Variants in EPAS1 observed in about 807,000 individuals in gnomAD.
The protein encoded by EPAS1 is endothelial PAS domain protein 1, also known as endothelial PAS domain-containing protein 1.
EPAS1 carries 23 observed loss-of-function variants against 87.9 expected under a neutral mutation model. The observed-to-expected ratio is 0.26, with a 90% CI of 0.19 to 0.37. The LOEUF (loss-of-function observed/expected upper bound fraction) is 0.37. EPAS1 is among the 10% of genes least tolerant of loss of function. The pLI is 1.00. For missense variants in EPAS1, 1,138 were observed against 1,120.7 expected, an observed-to-expected ratio of 1.02 and a Z score of -0.22; for synonymous variants, 508 against 444.3, an observed-to-expected ratio of 1.14 and a Z score of -1.80.
intron 1 of EPAS1, among the ~76,000 whole-genome samples, chr2:46,340,168 G>A (rs1235813330): frequency 6.6e-6 from 1 of 152,134 alleles, no homozygotes; most frequent in Non-Finnish European, 1.5e-5. Context: ...AGCCCCAGAT[G>A]GGCTGCTTAG....
intron 1 of EPAS1, among the ~76,000 whole-genome samples, chr2:46,306,324 G>C (rs376021323): frequency 6.6e-6 from 1 of 152,168 alleles, no homozygotes; most frequent in Admixed American, 6.5e-5. Flanking sequence ...AAGAAGACCA[G>C]CATGCTTTCC....
At chr2:46,326,542 C>T (rs941280359) in intron 1 of EPAS1, among the ~76,000 whole-genome samples, 1 of 151,800 alleles carries the variant, frequency 6.6e-6, no homozygotes, top group Non-Finnish European at 1.5e-5. Context: ...CTATCTCCTC[C>T]GTGGGGAAAA....
At chr2:46,303,015 G>A (rs1683042415) in intron 1 of EPAS1, among the ~76,000 whole-genome samples, 1 of 152,238 alleles carries the variant, frequency 6.6e-6, no homozygotes, top group South Asian at 2.1e-4. Flanking sequence ...GGAGGTTGCA[G>A]TGAGCCGAGA....
In EPAS1 at chr2:46,359,257, C is replaced by CAAAAAAAAAAAAAAAAAAAAAAAA. The variant is rs57351888; in HGVS notation, c.455-1380_455-1357dup. 3.2e-4 allele frequency among the ~76,000 whole-genome samples: 8 copies of CAAAAAAAAAAAAAAAAAAAAAAAA among 25,088 alleles called. 1 individual carries two copies. The highest frequency in any genetic ancestry group is 2.0e-4 in the African/African-American group (1 of 5,058). 16.5% of individuals were successfully genotyped at this position (25,088 alleles called of 152,430 possible). A position where few individuals can be genotyped will look rare whatever the true frequency, so the allele number is the denominator to read the frequency against. ...CTGGCGACAGAGCAAGATTCTGTCT[C>CAAAAAAAAAAAAAAAAAAAAAAAA]AAAAAAAAAAAAAAAAAAAAAAAAG... is the stretch of plus-strand genomic sequence containing the variant. On this transcript the variant is annotated intron_variant, in intron 4 of 15. Transcript: ENST00000263734.
Position 46,380,308 on chromosome 2 carries a change from T to G in EPAS1, c.1636T>G (p.Cys546Gly). 2 of 1,614,138 alleles carry G rather than the reference T, an allele frequency of 1.2e-6. No homozygotes were observed. The highest frequency in any genetic ancestry group is 1.7e-6 in the Non-Finnish European group (2 of 1,180,018). ...DGEDFQLSPI[C>G]PEERLLAENP... ...GGAAGACTTCCAGCTAAGCCCCATC[T>G]GCCCCGAGGAGCGGCTCTTGGCGGA... The change falls in exon 12 of 16, where the codon TGC becomes GGC. Residue 546 changes from cysteine (C) to glycine (G), a missense_variant. Around this residue, in one of 4 missense-constraint regions of EPAS1, gnomAD observed 502 missense variants for 427.1 expected, o/e 1.18. Coordinates refer to ENST00000263734, the MANE Select transcript of EPAS1 (RefSeq NM_001430.5). The surrounding 1 kb of genome is among the most constrained non-coding windows in gnomAD (Gnocchi z 4.4).
At chr2:46,361,213 G>A (rs1176970243) in intron 6 of EPAS1, 123 bp downstream of exon 6, 1 of 1,064,502 alleles carries the variant, frequency 9.4e-7, no homozygotes, top group Non-Finnish European at 1.4e-6. Context: ...GTGCATGTTC[G>A]TGGACCTGTG....
intron 6 of EPAS1, among the ~76,000 whole-genome samples, chr2:46,362,977 A>AGTGGTGGTAGTG (rs1684428172): frequency 9.6e-6 from 1 of 104,338 alleles, no homozygotes; most frequent in Non-Finnish European, 2.0e-5. Context: ...TGGTGGTGGT[A>AGTGGTGGTAGTG]GTGGTGGTGG....
intron 2 of EPAS1, among the ~76,000 whole-genome samples, chr2:46,351,934 G>GA (rs1684170291): frequency 6.6e-6 from 1 of 152,206 alleles, no homozygotes; most frequent in Admixed American, 6.5e-5. Flanking sequence ...GGTGCTGCCT[G>GA]AAGGAAATGA....
intron 15 of EPAS1, among the ~76,000 whole-genome samples, chr2:46,383,131 C>G (rs116056466): frequency 6.6e-6 from 1 of 152,296 alleles, no homozygotes; most frequent in African/African-American, 2.4e-5. Flanking sequence ...TAGGGAGAAC[C>G]CTCCCATGAT....
At chr2:46,308,462 G>GC (rs1553388767) in intron 1 of EPAS1, among the ~76,000 whole-genome samples, 13 of 137,346 alleles carry the variant, frequency 9.5e-5, no homozygotes, top group African/African-American at 3.2e-4. Flanking sequence ...CTTTTTTTTG[G>GC]GGGGGGGGGC....
intron 1 of EPAS1, among the ~76,000 whole-genome samples, chr2:46,309,809 C>T (rs1683176415): frequency 6.6e-6 from 1 of 152,112 alleles, no homozygotes; most frequent in African/African-American, 2.4e-5. Context: ...GCAGGCCTTC[C>T]TGAGTCATGT....
chr2:46,304,413 C>T (rs1683069119), intron 1 of EPAS1, among the ~76,000 whole-genome samples: 1 of 152,180 alleles, frequency 6.6e-6, no homozygotes, highest in Admixed American at 6.5e-5. Flanking sequence ...ACGCCCTTCC[C>T]TTACTGAAGA....
chr2:46,339,586 A>G (rs1683867360), intron 1 of EPAS1, among the ~76,000 whole-genome samples: 5 of 152,208 alleles, frequency 3.3e-5, no homozygotes, highest in Admixed American at 2.6e-4. Flanking sequence ...TTCCAGATTC[A>G]CTCACGAGTG....
chr2:46,332,312 G>GTGTT (rs1558590702), intron 1 of EPAS1, among the ~76,000 whole-genome samples: 25 of 140,274 alleles, frequency 1.8e-4, no homozygotes, highest in African/African-American at 6.2e-4. Context: ...GTGTGTGTGT[G>GTGTT]TGTGTGTGTG....
At position 46,382,543 on chromosome 2, in the gene EPAS1, G is replaced by A. The variant is rs755900740; in HGVS notation, c.2406G>A (p.Gln802=). ...GENSKSRFPP[Q]CYATQYQDYS... ...ACAGCAAGAGCAGGTTCCCCCCACAGTGCTACGCCACCCAGTACCAGGACT... is the reference window on the plus strand; with the variant it reads ...ACAGCAAGAGCAGGTTCCCCCCACAATGCTACGCCACCCAGTACCAGGACT... The change falls in exon 15 of 16, where the codon CAG becomes CAA. Residue 802 remains glutamine, a synonymous_variant. Transcript: ENST00000263734. The A allele has an allele frequency of 1.9e-6, 3 of 1,614,148 alleles. No individual in the cohort carries two copies. The highest frequency in any genetic ancestry group is 1.1e-5 in the South Asian group (1 of 91,078).
At chr2:46,372,417 A>G (rs999803820) in intron 7 of EPAS1, among the ~76,000 whole-genome samples, 1 of 152,198 alleles carries the variant, frequency 6.6e-6, no homozygotes, top group African/African-American at 2.4e-5. Flanking sequence ...AGATTCACAC[A>G]CTGGGATCCC....
At position 46,378,501 on chromosome 2, in the gene EPAS1, A is replaced by G. The variant is rs145302693; in HGVS notation, c.1444-156A>G. On this transcript the variant is annotated intron_variant, in intron 10 of 15. Coordinates refer to ENST00000263734, the MANE Select transcript of EPAS1 (RefSeq NM_001430.5). ...AGAGGTTGATGAATTGACCTAATTC[A>G]TACAGCTTGTTAATTAGCAGCCCCT... is the stretch of plus-strand genomic sequence containing the variant. 4.0e-3 allele frequency among the ~76,000 whole-genome samples: 604 copies of G among 152,350 alleles called. 6 individuals are homozygous for G. The highest frequency in any genetic ancestry group is 0.013 in the African/African-American group (548 of 41,586).
In EPAS1 at chr2:46,375,684, C is replaced by T; in HGVS notation, c.887-6C>T. 1 of 1,613,838 alleles carries T rather than the reference C, an allele frequency of 6.2e-7. No individual in the cohort carries two copies. Among genetic ancestry groups the T allele is most frequent in the Non-Finnish European group, 8.5e-7 (1 of 1,179,894 alleles). On this transcript the variant is annotated splice_region_variant and splice_polypyrimidine_tract_variant and intron_variant, in intron 7 of 15. Coordinates refer to ENST00000263734, the MANE Select transcript of EPAS1 (RefSeq NM_001430.5). The surrounding 1 kb of genome is among the most constrained non-coding windows in gnomAD (Gnocchi z 4.1). ...CCTAAGCTCAGCTCTGTTTCTCCTC[C>T]CCTAGTGTGCACCAAGGGTCAGGTA...
chr2:46,313,017 A>G (rs1683244537), intron 1 of EPAS1, among the ~76,000 whole-genome samples: 1 of 152,236 alleles, frequency 6.6e-6, no homozygotes, highest in East Asian at 1.9e-4. Flanking sequence ...TCTTATGAGC[A>G]AGACCTAATT....
Sources: allele counts gnomAD v4.1 joint callset (sites outside exome capture counted in the v4.1 genomes callset), GRCh38; gene constraint gnomAD v4.1.1; regional missense constraint gnomAD v4.1.1; non-coding constraint Gnocchi (gnomAD v3.1); transcripts MANE v1.5; gene names NCBI Gene and HGNC (gene_info 2026-07-23, HGNC 2026-07-21).